The following SEMA3E variants were observed in gnomAD, a reference collection of about 807,000 sequenced individuals.
The protein encoded by SEMA3E is semaphorin 3E.
In SEMA3E, 49 loss-of-function variants were observed where a neutral mutation model predicts 93.6. The observed-to-expected ratio is 0.52, with a 90% confidence interval of 0.42 to 0.66. The LOEUF (loss-of-function observed/expected upper bound fraction) is 0.66, where lower values mean the gene tolerates loss of function less well. SEMA3E is among the 30% of genes least tolerant of loss of function. The pLI, the probability that SEMA3E is intolerant of heterozygous loss-of-function variation, is 0.00. For missense variants in SEMA3E, 906 were observed against 964.8 expected, an observed-to-expected ratio of 0.94 and a Z score of 0.81; for synonymous variants, 363 against 330.7, an observed-to-expected ratio of 1.10 and a Z score of -1.06.
chr7:83,457,734 T>C (rs1789517909), intron 4 of SEMA3E, among the ~76,000 whole-genome samples: 1 of 152,176 alleles, frequency 6.6e-6, no homozygotes, highest in Admixed American at 6.5e-5. Context: ...TCAAATACTC[T>C]GTTCAAAACT....
At chr7:83,621,251 A>G (rs1562858754) in intron 1 of SEMA3E, among the ~76,000 whole-genome samples, 2 of 152,122 alleles carry the variant, frequency 1.3e-5, no homozygotes, top group African/African-American at 2.4e-5. Flanking sequence ...CACAATTGCT[A>G]AGAAGAGAAT....
At position 83,561,567 on chromosome 7, in the gene SEMA3E, C is replaced by T. The variant is rs543101089; in HGVS notation, c.116-71293G>A. On this transcript the variant is annotated intron_variant, in intron 1 of 16. Transcript: ENST00000643230. ...TCAATGGCTGCTTTGAGTTAAGCTG[C>T]TTTTTTTAAGCATCTGCCCTTTTCA... Among the ~76,000 whole-genome samples the T allele has an allele frequency of 7.2e-5, 11 of 152,150 alleles. No individual in the cohort carries two copies. In the South Asian group the frequency reaches 2.3e-3, roughly 32 times the overall value.
chr7:83,457,990 A>G (rs749858439), intron 4 of SEMA3E, among the ~76,000 whole-genome samples: 2 of 152,050 alleles, frequency 1.3e-5, no homozygotes, highest in Non-Finnish European at 2.9e-5. Context: ...TTTGGGGATA[A>G]ATCTCATACT....
chr7:83,593,284 C>CTGTGTGTG lies in SEMA3E; in HGVS notation c.115+55136_115+55143dup, dbSNP rs66605514. Among the ~76,000 whole-genome samples, 179 of 116,742 alleles carry CTGTGTGTG rather than the reference C, an allele frequency of 1.5e-3. 4 individuals are homozygous for CTGTGTGTG. The highest frequency in any genetic ancestry group is 0.013 in the East Asian group (53 of 4,190). The allele number at this position is 116,742 out of a possible 152,430, so 76.6% of individuals were successfully genotyped here. ...TGTCTCTCTCTCTCTCTCTCTCTCTCTGTGTGTGTGTGTGTGTGTGTGTGT... is the reference window on the plus strand; with the variant it reads ...TGTCTCTCTCTCTCTCTCTCTCTCTCTGTGTGTGTGTGTGTGTGTGTGTGTGTGTGTGT... On this transcript the variant is annotated intron_variant, in intron 1 of 16. Transcript: ENST00000643230.
chr7:83,454,272 A>AAAAATATATATATATATATAT (rs1257792756), intron 4 of SEMA3E, among the ~76,000 whole-genome samples: 3 of 110,134 alleles, frequency 2.7e-5, no homozygotes, highest in African/African-American at 1.3e-4. Flanking sequence ...AAAAAAAAAA[A>AAAAATATATATATATATATAT]ATATATATAT....
chr7:83,592,046 A>C (rs949069265), intron 1 of SEMA3E, among the ~76,000 whole-genome samples: 1 of 152,152 alleles, frequency 6.6e-6, no homozygotes, highest in Non-Finnish European at 1.5e-5. Context: ...AATATTCAGA[A>C]GTATTTGTAT....
chr7:83,467,624 G>C (rs1255194195), intron 3 of SEMA3E, among the ~76,000 whole-genome samples: 3 of 152,148 alleles, frequency 2.0e-5, no homozygotes, highest in Non-Finnish European at 4.4e-5. Flanking sequence ...TGCAGCTATA[G>C]CATGAAAGGA....
chr7:83,455,640 T>G (rs1789463912), intron 4 of SEMA3E, among the ~76,000 whole-genome samples: 1 of 152,204 alleles, frequency 6.6e-6, no homozygotes, highest in Admixed American at 6.5e-5. Context: ...CTTATACTAC[T>G]TTATATGGCA....
intron 14 of SEMA3E, 50 bp downstream of exon 14, chr7:83,392,505 T>C: frequency 1.3e-6 from 2 of 1,539,176 alleles, no homozygotes; most frequent in Non-Finnish European, 1.8e-6. Context: ...AAAAAAAGCA[T>C]TAGGGTTTTC....
chr7:83,462,364 A>G (rs1258422569), intron 4 of SEMA3E, among the ~76,000 whole-genome samples: 1 of 152,120 alleles, frequency 6.6e-6, no homozygotes, highest in Non-Finnish European at 1.5e-5. Flanking sequence ...GCCAACTTAG[A>G]CAATACTCTT....
At chr7:83,562,302 A>C (rs1009266689) in intron 1 of SEMA3E, among the ~76,000 whole-genome samples, 2 of 151,958 alleles carry the variant, frequency 1.3e-5, no homozygotes, top group Non-Finnish European at 2.9e-5. Context: ...AAAAGGCCTG[A>C]TATTTTCCAA....
chr7:83,588,773 A>G (rs923334497), intron 1 of SEMA3E, among the ~76,000 whole-genome samples: 1 of 152,202 alleles, frequency 6.6e-6, no homozygotes, highest in Admixed American at 6.5e-5. Flanking sequence ...AATGAGTCAT[A>G]ACAATAAAAA....
intron 4 of SEMA3E, among the ~76,000 whole-genome samples, chr7:83,444,248 T>G (rs1789179443): frequency 6.6e-6 from 1 of 152,142 alleles, no homozygotes; most frequent in African/African-American, 2.4e-5. Flanking sequence ...CATGGACAAA[T>G]TAGAGAATAT....
chr7:83,479,761 G>A (rs941828276), intron 2 of SEMA3E, among the ~76,000 whole-genome samples: 2 of 152,180 alleles, frequency 1.3e-5, no homozygotes, highest in African/African-American at 4.8e-5. Flanking sequence ...TCAGATGGGA[G>A]CCCTAACAAT....
intron 1 of SEMA3E, among the ~76,000 whole-genome samples, chr7:83,571,401 A>G (rs1025354228): frequency 3.2e-4 from 49 of 152,218 alleles, no homozygotes; most frequent in African/African-American, 1.1e-3. Context: ...TATTCCTGGG[A>G]TACAAGTTTG....
At chr7:83,598,418 G>A (rs1792919377) in intron 1 of SEMA3E, among the ~76,000 whole-genome samples, 1 of 152,164 alleles carries the variant, frequency 6.6e-6, no homozygotes, top group South Asian at 2.1e-4. Context: ...CAATGAGTTA[G>A]TGAGGAAAAG....
intron 5 of SEMA3E, among the ~76,000 whole-genome samples, chr7:83,409,276 G>T (rs1375990653): frequency 6.6e-6 from 1 of 152,106 alleles, no homozygotes; most frequent in Non-Finnish European, 1.5e-5. Flanking sequence ...ACTCCAGGAA[G>T]ATCAATAGCT....
intron 1 of SEMA3E, among the ~76,000 whole-genome samples, chr7:83,528,739 A>G (rs931307164): frequency 6.6e-6 from 1 of 152,122 alleles, no homozygotes; most frequent in Non-Finnish European, 1.5e-5. Flanking sequence ...AGTTAACATA[A>G]TTAGGGTCTC....
At chr7:83,611,590 A>T (rs779266754) in intron 1 of SEMA3E, among the ~76,000 whole-genome samples, 2 of 151,320 alleles carry the variant, frequency 1.3e-5, no homozygotes, top group African/African-American at 4.9e-5. Context: ...TCAGGCCAAA[A>T]CACTTGGAAT....
Sources: gnomAD v4.1 joint callset for allele counts (sites outside exome capture counted in the v4.1 genomes callset) on GRCh38, gnomAD v4.1.1 for gene constraint, MANE v1.5 for transcripts, NCBI Gene and HGNC (gene_info 2026-07-23, HGNC 2026-07-21) for gene names.